FBN1: variants seen among roughly 807,000 people sequenced by gnomAD.
The protein encoded by FBN1 is fibrillin 1.
In FBN1, 29 loss-of-function variants were observed where a neutral mutation model predicts 365.1. The ratio of observed to expected loss-of-function variants is 0.08; its 90% CI spans 0.06 to 0.11. The LOEUF (loss-of-function observed/expected upper bound fraction) is 0.11, where lower values mean the gene tolerates loss of function less well. Ranked by LOEUF, FBN1 falls within the 10% of genes least tolerant of loss-of-function variation. The pLI, the probability that FBN1 is intolerant of heterozygous loss-of-function variation, is 1.00. For missense variants in FBN1, 2,476 were observed against 3,703.2 expected, an observed-to-expected ratio of 0.67 and a Z score of 8.60; for synonymous variants, 1,210 against 1,270.5, an observed-to-expected ratio of 0.95 and a Z score of 1.01.
intron 34 of FBN1, among the ~76,000 whole-genome samples, chr15:48,473,869 T>C (rs2043397474): frequency 6.6e-6 from 1 of 152,102 alleles, no homozygotes; most frequent in South Asian, 2.1e-4. Flanking sequence ...TTGTTTAAAC[T>C]AATGACATCA....
intron 6 of FBN1, among the ~76,000 whole-genome samples, chr15:48,582,429 C>A (rs1282864141): frequency 6.6e-6 from 1 of 152,156 alleles, no homozygotes; most frequent in Non-Finnish European, 1.5e-5. Flanking sequence ...ATTTTCAAGA[C>A]CTTTTAGATG....
chr15:48,603,366 G>T (rs1349639843), intron 4 of FBN1, among the ~76,000 whole-genome samples: 1 of 109,136 alleles, frequency 9.2e-6, no homozygotes, highest in Non-Finnish European at 1.6e-5. Flanking sequence ...TTAACCATGG[G>T]AAACTGTATT....
chr15:48,440,138 C>T (rs1009027216), intron 50 of FBN1, among the ~76,000 whole-genome samples: 1 of 152,134 alleles, frequency 6.6e-6, no homozygotes, highest in Non-Finnish European at 1.5e-5. Flanking sequence ...GCTGTGCTTG[C>T]CCACATACTT....
At chr15:48,573,100 G>C (rs565161012) in intron 6 of FBN1, among the ~76,000 whole-genome samples, 1 of 152,260 alleles carries the variant, frequency 6.6e-6, no homozygotes, top group Non-Finnish European at 1.5e-5. Context: ...GTCCACTAAG[G>C]AGTTTGAGCA....
At chr15:48,497,786 C>T (rs2043620702) in intron 18 of FBN1, among the ~76,000 whole-genome samples, 1 of 152,228 alleles carries the variant, frequency 6.6e-6, no homozygotes, top group South Asian at 2.1e-4. Context: ...CTCTACACTG[C>T]AACCATTCTT....
At chr15:48,424,627 C>A (rs1214848678) in intron 60 of FBN1, among the ~76,000 whole-genome samples, 1 of 152,238 alleles carries the variant, frequency 6.6e-6, no homozygotes, top group Non-Finnish European at 1.5e-5. Context: ...AGTTTCATGG[C>A]ATGACATGAT....
chr15:48,466,342 T>C (rs1367736856), intron 38 of FBN1, among the ~76,000 whole-genome samples: 1 of 152,246 alleles, frequency 6.6e-6, no homozygotes, highest in African/African-American at 2.4e-5. Flanking sequence ...CTCTCCTTAA[T>C]GACTAGAGAC....
intron 4 of FBN1, among the ~76,000 whole-genome samples, chr15:48,602,209 C>T (rs145764217): frequency 6.2e-4 from 95 of 152,240 alleles, no homozygotes; most frequent in African/African-American, 2.2e-3. Flanking sequence ...TCAAATATTG[C>T]TTCCTTCCGC....
intron 6 of FBN1, among the ~76,000 whole-genome samples, chr15:48,570,556 A>G (rs2044299545): frequency 6.6e-6 from 1 of 152,058 alleles, no homozygotes; most frequent in Non-Finnish European, 1.5e-5. Flanking sequence ...AGTCATCCTC[A>G]TGAAATTCAT....
intron 9 of FBN1, among the ~76,000 whole-genome samples, chr15:48,522,438 T>A (rs2043867139): frequency 6.6e-6 from 1 of 152,128 alleles, no homozygotes; most frequent in African/African-American, 2.4e-5. Flanking sequence ...AAAAATTGTC[T>A]TCCACAAAAC....
In FBN1 at chr15:48,428,008, ACTCT is replaced by A. The variant is rs113306460; in HGVS notation, c.6998-239_6998-236del. 5.4e-5 allele frequency: 37 copies of A among 686,762 alleles called. No individual in the cohort carries two copies. In the African/African-American group the frequency reaches 5.5e-4, roughly 10 times the overall value. The allele number at this position is 686,762 out of a possible 1,614,324, so 42.5% of individuals were successfully genotyped here. ...AGACATTGGCCTAGACAAGCTTATA[ACTCT>A]CTCTGCTCCCAGAAATACAGGGGAA... On this transcript the variant is annotated intron_variant, in intron 57 of 65. Transcript: ENST00000316623.
intron 6 of FBN1, among the ~76,000 whole-genome samples, chr15:48,588,418 G>A (rs141139647): frequency 5.3e-5 from 8 of 151,998 alleles, no homozygotes; most frequent in East Asian, 3.9e-4. Flanking sequence ...ATCTAAGATC[G>A]AAAAGTGGTT....
At chr15:48,599,702 T>TTTCCCC (rs2044546944) in intron 5 of FBN1, among the ~76,000 whole-genome samples, 4 of 152,126 alleles carry the variant, frequency 2.6e-5, no homozygotes, top group Admixed American at 6.5e-5. Flanking sequence ...ATGAGAGGGA[T>TTTCCCC]GCAGATACCA....
At chr15:48,436,693 T>C (rs1193494284) in intron 53 of FBN1, among the ~76,000 whole-genome samples, 6 of 152,206 alleles carry the variant, frequency 3.9e-5, no homozygotes, top group Admixed American at 3.3e-4. Context: ...TCTTCTGATA[T>C]GTCCAGTGTC....
At position 48,420,886 on chromosome 15, in the gene FBN1, C is replaced by A. The variant is rs1243963541; in HGVS notation, c.7700-80G>T. ...AGATGGATTCTAATAAGAAATCTGG[C>A]CCCTACACATCCTACACATTATTCT... On this transcript the variant is annotated intron_variant, in intron 62 of 65. Transcript: ENST00000316623. The A allele has an allele frequency of 3.3e-6, 5 of 1,511,792 alleles. No homozygotes were observed. The African/African-American group carries it at 4.1e-5, about 12-fold the overall frequency. 93.6% of individuals were successfully genotyped at this position (1,511,792 alleles called of 1,614,324 possible). A position where few individuals can be genotyped will look rare whatever the true frequency, so the allele number is the denominator to read the frequency against.
Position 48,464,616 on chromosome 15 carries a change from C to T in FBN1, c.4943-595G>A, listed in dbSNP as rs115405023. ...AATAATGAGTCTCCTAATAAATTAA[C>T]CTATAATATCCTCAAAGGTAGGCAG... On this transcript the variant is annotated intron_variant, in intron 40 of 65. Transcript: ENST00000316623. Among the ~76,000 whole-genome samples the T allele has an allele frequency of 5.2e-3, 793 of 152,244 alleles. 5 individuals carry two copies. The highest frequency in any genetic ancestry group is 0.018 in the African/African-American group (761 of 41,544).
At position 48,410,234 on chromosome 15, in the gene FBN1, C is replaced by T. The variant is rs2042849459; in HGVS notation, c.*756G>A. 1 of 152,678 alleles carries T rather than the reference C, an allele frequency of 6.5e-6. No individual in the cohort carries two copies. Among genetic ancestry groups the T allele is most frequent in the South Asian group, 2.1e-4 (1 of 4,832 alleles). 9.5% of individuals were successfully genotyped at this position (152,678 alleles called of 1,614,324 possible). A position where few individuals can be genotyped will look rare whatever the true frequency, so the allele number is the denominator to read the frequency against. Reference sequence around the variant, plus strand: ...GAGGCTGTTTCCTGGTCCTCCCAGACCTCTATGCACGTGTGGGCCAGTCAC... The same window carrying T: ...GAGGCTGTTTCCTGGTCCTCCCAGATCTCTATGCACGTGTGGGCCAGTCAC... On this transcript the variant is annotated 3_prime_UTR_variant, in exon 66 of 66. Coordinates refer to ENST00000316623, the MANE Select transcript of FBN1 (RefSeq NM_000138.5).
intron 8 of FBN1, among the ~76,000 whole-genome samples, chr15:48,526,507 C>T (rs1257897011): frequency 6.6e-6 from 1 of 152,220 alleles, no homozygotes. Flanking sequence ...AAATCTAAAC[C>T]TGTGTACTGT....
At chr15:48,621,308 T>C (rs1473784392) in intron 2 of FBN1, among the ~76,000 whole-genome samples, 1 of 152,218 alleles carries the variant, frequency 6.6e-6, no homozygotes, top group East Asian at 1.9e-4. Context: ...TGACAAATCC[T>C]ATCTCAGCCA....
Sources: allele counts gnomAD v4.1 joint callset (sites outside exome capture counted in the v4.1 genomes callset), GRCh38; gene constraint gnomAD v4.1.1; transcripts MANE v1.5; gene names NCBI Gene and HGNC (gene_info 2026-07-23, HGNC 2026-07-21).